The following SEMA3A variants were observed in gnomAD, a reference collection of about 807,000 sequenced individuals.
SEMA3A encodes the protein semaphorin 3A.
A neutral mutation model predicts 97.9 loss-of-function variants in SEMA3A; 29 were observed. The observed-to-expected ratio is 0.30, with a 90% confidence interval of 0.22 to 0.40. SEMA3A has a LOEUF of 0.40. SEMA3A is among the 10% of genes least tolerant of loss of function. The pLI, the probability that SEMA3A is intolerant of heterozygous loss-of-function variation, is 1.00. For synonymous variants in SEMA3A, 321 were observed against 323.7 expected, an observed-to-expected ratio of 0.99 and a Z score of 0.09; for missense variants, 763 against 951.3, an observed-to-expected ratio of 0.80 and a Z score of 2.60.
chr7:84,238,213 C>T (rs1348451357), intron 3 of SEMA3A, among the ~76,000 whole-genome samples: 13 of 151,946 alleles, frequency 8.6e-5, no homozygotes, highest in Admixed American at 8.5e-4. Context: ...ATTACAGGTG[C>T]CCACCACCAC....
chr7:84,019,711 T>A (rs1791249661), intron 6 of SEMA3A, among the ~76,000 whole-genome samples: 1 of 144,738 alleles, frequency 6.9e-6, no homozygotes, highest in Non-Finnish European at 1.6e-5. Flanking sequence ...GTATTGATAA[T>A]CAACCAGAAC....
At chr7:84,195,024 A>AGAGAGAGAGAGAAAGAGAGAGAGAGAG (rs1798179833), upstream of SEMA3A, 19 of 140,648 alleles carry the variant, frequency 1.4e-4, no homozygotes, top group Admixed American at 7.1e-4. Flanking sequence ...GAGAGAGAGA[A>AGAGAGAGAGAGAAAGAGAGAGAGAGAG]AGAGAGAGAG....
intron 1 of SEMA3A, among the ~76,000 whole-genome samples, chr7:84,144,292 A>G (rs767261669): frequency 6.6e-6 from 1 of 152,128 alleles, no homozygotes; most frequent in Non-Finnish European, 1.5e-5. Context: ...CATTGTCAGA[A>G]GGAGGAAATA....
chr7:84,381,691 T>A (rs1165735786), intron 1 of SEMA3A, among the ~76,000 whole-genome samples: 2 of 152,156 alleles, frequency 1.3e-5, no homozygotes. Flanking sequence ...GTAAAGCCAA[T>A]CCTGTCCAAT....
intron 3 of SEMA3A, among the ~76,000 whole-genome samples, chr7:84,230,345 T>A (rs1396830730): frequency 1.3e-5 from 2 of 152,066 alleles, no homozygotes; most frequent in Admixed American, 6.6e-5. Context: ...TGATATTTTT[T>A]AAATCAATGT....
chr7:83,984,608 CTTTTTTTT>C (rs371082897), intron 13 of SEMA3A, among the ~76,000 whole-genome samples: 99 of 98,878 alleles, frequency 1.0e-3, no homozygotes, highest in African/African-American at 3.5e-3. Flanking sequence ...GATTTTTCTG[CTTTTTTTT>C]TTTTTTTTTT....
chr7:84,197,859 C>T (rs1798271175), upstream of SEMA3A, among the ~76,000 whole-genome samples: 1 of 151,314 alleles, frequency 6.6e-6, no homozygotes, highest in South Asian at 2.1e-4. Flanking sequence ...CCCGTCTCAG[C>T]CTCCCGAGTA....
intron 1 of SEMA3A, among the ~76,000 whole-genome samples, chr7:84,386,982 A>G (rs1206758557): frequency 6.6e-6 from 1 of 150,728 alleles, no homozygotes; most frequent in Non-Finnish European, 1.5e-5. Flanking sequence ...CCTGGGGGAC[A>G]GAGCAATGCT....
chr7:84,268,472 T>G (rs750460621), intron 3 of SEMA3A, among the ~76,000 whole-genome samples: 3 of 152,064 alleles, frequency 2.0e-5, no homozygotes, highest in Non-Finnish European at 4.4e-5. Flanking sequence ...GGGAAGGCTC[T>G]GTGAAATATC....
rs150239317 is a variant in SEMA3A, at chr7:84,381,651, T to C, written c.-245-9751A>G. Among the ~76,000 whole-genome samples the C allele has an allele frequency of 2.6e-3, 389 of 152,276 alleles. 3 individuals carry two copies. The highest frequency in any genetic ancestry group is 0.024 in the Middle Eastern group (7 of 294). On this transcript the variant is annotated intron_variant, in intron 1 of 3. Transcript: ENST00000424555. ...ATTTGATCTTCTATTTGGTCTACAT[T>C]TGGGCTCATCCTTCTATATGCTATG...
intron 3 of SEMA3A, among the ~76,000 whole-genome samples, chr7:84,276,714 A>G (rs571342850): frequency 1.3e-5 from 2 of 152,210 alleles, no homozygotes; most frequent in Admixed American, 1.3e-4. Flanking sequence ...AATCAATTTA[A>G]CACAATTTGA....
chr7:84,092,211 T>C (rs1794625525), intron 4 of SEMA3A, among the ~76,000 whole-genome samples: 1 of 152,214 alleles, frequency 6.6e-6, no homozygotes, highest in Admixed American at 6.5e-5. Flanking sequence ...GAAATCTTGA[T>C]GGAGGAAGAT....
chr7:84,426,094 C>T (rs1012002100), intron 1 of SEMA3A, among the ~76,000 whole-genome samples: 15 of 151,664 alleles, frequency 9.9e-5, no homozygotes, highest in Non-Finnish European at 1.3e-4. Flanking sequence ...GTGGGAGGGG[C>T]GTGAGGAATA....
intron 3 of SEMA3A, among the ~76,000 whole-genome samples, chr7:84,217,263 T>C (rs1798773154): frequency 6.6e-6 from 1 of 152,166 alleles, no homozygotes; most frequent in Non-Finnish European, 1.5e-5. Flanking sequence ...GTTTATAACT[T>C]CCTCCTCTCT....
intron 2 of SEMA3A, among the ~76,000 whole-genome samples, chr7:84,360,033 T>C (rs1284274927): frequency 2.0e-5 from 3 of 151,118 alleles, no homozygotes; most frequent in Non-Finnish European, 4.4e-5. Context: ...CTCTCTTTTC[T>C]TCTTTATTAG....
intron 1 of SEMA3A, among the ~76,000 whole-genome samples, chr7:84,165,384 T>C (rs1165315865): frequency 1.3e-5 from 2 of 152,120 alleles, no homozygotes; most frequent in African/African-American, 4.8e-5. Flanking sequence ...TATAACTATG[T>C]AATTATATGG....
intron 6 of SEMA3A, among the ~76,000 whole-genome samples, chr7:84,014,768 T>C (rs1182566091): frequency 6.6e-6 from 1 of 152,132 alleles, no homozygotes; most frequent in Non-Finnish European, 1.5e-5. Flanking sequence ...CAGCAAAGAC[T>C]AGGTGGGCAG....
intron 2 of SEMA3A, among the ~76,000 whole-genome samples, chr7:84,354,172 A>G (rs893410032): frequency 4.0e-5 from 6 of 151,630 alleles, no homozygotes; most frequent in Non-Finnish European, 8.9e-5. Context: ...ACATTAAGAG[A>G]TATACTAAAA....
intron 4 of SEMA3A, among the ~76,000 whole-genome samples, chr7:84,065,391 C>A (rs1793438518): frequency 6.8e-6 from 1 of 147,500 alleles, no homozygotes; most frequent in African/African-American, 2.6e-5. Context: ...CATTCAAAAG[C>A]TAGCAGAAGG....
Sources: gnomAD v4.1 joint callset for allele counts (sites outside exome capture counted in the v4.1 genomes callset) on GRCh38, gnomAD v4.1.1 for gene constraint, MANE v1.5 for transcripts, NCBI Gene and HGNC (gene_info 2026-07-23, HGNC 2026-07-21) for gene names.